The following NFIL3 variants were observed in gnomAD, a reference collection of about 807,000 sequenced individuals.
NFIL3 encodes nuclear factor, interleukin 3 regulated, also known as nuclear factor interleukin-3-regulated protein.
In NFIL3, 5 loss-of-function variants were observed where a neutral mutation model predicts 10.0. That is an observed-to-expected ratio of 0.50 (90% CI 0.26 to 1.06). The LOEUF is 1.06. Among genes scored for constraint, NFIL3 ranks in the 50% least tolerant of loss-of-function variants. The probability of loss-of-function intolerance (pLI) is 0.13; values close to 1 mark genes in which losing one functional copy is unlikely to be tolerated. For synonymous variants in NFIL3, 202 were observed against 206.5 expected (o/e 0.98, Z 0.19); for missense variants, 436 against 547.6 (o/e 0.80, Z 2.03).
the NFIL3 span, among the ~76,000 whole-genome samples, chr9:91,436,886 A>G: frequency 6.6e-4 from 101 of 151,986 alleles, no homozygotes; most frequent in Middle Eastern, 3.4e-3. Context: ...GCAGTCCCCA[A>G]CCTTTTTTGG....
chr9:91,430,871 C>G, the NFIL3 span, among the ~76,000 whole-genome samples: 1 of 152,200 alleles, frequency 6.6e-6, no homozygotes, highest in African/African-American at 2.4e-5. Context: ...GTCTCAAACT[C>G]CTGGCCTCAA....
chr9:91,421,084 A>G (rs1479071200), intron 1 of NFIL3, among the ~76,000 whole-genome samples: 1 of 152,164 alleles, frequency 6.6e-6, no homozygotes, highest in Non-Finnish European at 1.5e-5. Flanking sequence ...AATACAATGA[A>G]GACTCTTGGA....
the NFIL3 span, among the ~76,000 whole-genome samples, chr9:91,435,334 C>A: frequency 6.6e-6 from 1 of 152,174 alleles, no homozygotes; most frequent in Non-Finnish European, 1.5e-5. Flanking sequence ...ACCTTGCCTG[C>A]CTGCAGCAAT....
the NFIL3 span, among the ~76,000 whole-genome samples, chr9:91,482,656 C>T: frequency 6.6e-6 from 1 of 152,016 alleles, no homozygotes; most frequent in Non-Finnish European, 1.5e-5. Context: ...CCCCCACCAA[C>T]ACGCCCGACT....
the NFIL3 span, among the ~76,000 whole-genome samples, chr9:91,437,448 C>G: frequency 6.6e-6 from 1 of 152,106 alleles, no homozygotes; most frequent in Non-Finnish European, 1.5e-5. Context: ...AAAATGGTCA[C>G]TATAAAGAAG....
the NFIL3 span, among the ~76,000 whole-genome samples, chr9:91,437,288 C>T: frequency 2.6e-5 from 4 of 152,134 alleles, no homozygotes; most frequent in Non-Finnish European, 4.4e-5. Context: ...GTAAAGTGCA[C>T]GATTCAATGG....
the NFIL3 span, among the ~76,000 whole-genome samples, chr9:91,432,171 G>A: frequency 6.6e-6 from 1 of 152,172 alleles, no homozygotes; most frequent in Non-Finnish European, 1.5e-5. Flanking sequence ...TGTCAGGTTA[G>A]TTCTGAGCCA....
the NFIL3 span, among the ~76,000 whole-genome samples, chr9:91,482,919 G>C: frequency 6.6e-6 from 1 of 152,184 alleles, no homozygotes; most frequent in African/African-American, 2.4e-5. Context: ...CCCGAAAGGC[G>C]CACATGTCAG....
intron 1 of NFIL3, among the ~76,000 whole-genome samples, chr9:91,416,905 C>T (rs1274550500): frequency 6.6e-6 from 1 of 152,112 alleles, no homozygotes; most frequent in East Asian, 1.9e-4. Context: ...TAATTCTAGA[C>T]CAAATTTATC....
the NFIL3 span, among the ~76,000 whole-genome samples, chr9:91,460,271 C>CTTTTTTGTTTTTTTTTTTTTTTTTTTT: frequency 1.4e-5 from 1 of 70,444 alleles, no homozygotes; most frequent in Admixed American, 1.3e-4. Context: ...GGGCTTGGTT[C>CTTTTTTGTTTTTTTTTTTTTTTTTTTT]TTTTTTTTTT....
At chr9:91,479,995 C>T in the NFIL3 span, among the ~76,000 whole-genome samples, 1 of 152,112 alleles carries the variant, frequency 6.6e-6, no homozygotes, top group Non-Finnish European at 1.5e-5. Context: ...ACTGTCTAAC[C>T]AGTCCCAAAG....
the NFIL3 span, among the ~76,000 whole-genome samples, chr9:91,462,063 G>A: frequency 6.6e-6 from 1 of 152,112 alleles, no homozygotes; most frequent in African/African-American, 2.4e-5. Context: ...TTGCTGAGAA[G>A]GACCAGGTGT....
At chr9:91,470,438 G>C in the NFIL3 span, among the ~76,000 whole-genome samples, 1 of 106,050 alleles carries the variant, frequency 9.4e-6, no homozygotes. Context: ...TGCTAGTGGT[G>C]TATCAATTTT....
rs1833509404 is a variant in NFIL3 at position 91,409,939 on chromosome 9, G to A, written c.796C>T (p.Arg266Ter). Residue 266 changes from arginine to a stop codon, truncating the protein, a stop_gained, in exon 2 of 2, where the codon CGA (arginine) becomes TGA (stop). Transcript: ENST00000297689. LOFTEE classifies it high-confidence loss of function. Reference protein sequence around the residue: ...SHSPPLLQVNRSSSNSPRTSE... With the variant: ...SHSPPLLQVN Reference sequence around the variant, plus strand: ...GTTCTCGGGGAGTTGCTGGAGGATCGGTTGACTTGCAGTAGTGGGGGAGAG... The same window carrying A: ...GTTCTCGGGGAGTTGCTGGAGGATCAGTTGACTTGCAGTAGTGGGGGAGAG... 1 of 1,613,756 alleles carries A rather than the reference G, an allele frequency of 6.2e-7. No homozygotes were observed. The highest frequency in any genetic ancestry group is 8.5e-7 in the Non-Finnish European group (1 of 1,180,018).
the NFIL3 span, among the ~76,000 whole-genome samples, chr9:91,479,260 C>G: frequency 6.6e-6 from 1 of 152,194 alleles, no homozygotes. Flanking sequence ...CCCTTTCCCC[C>G]AGGTGCTCTG....
the NFIL3 span, among the ~76,000 whole-genome samples, chr9:91,443,824 C>CA: frequency 6.6e-6 from 1 of 152,218 alleles, no homozygotes; most frequent in Non-Finnish European, 1.5e-5. Flanking sequence ...TCCCCCACTG[C>CA]AGCTGGTCTC....
the NFIL3 span, among the ~76,000 whole-genome samples, chr9:91,472,523 C>T: frequency 3.3e-5 from 5 of 152,128 alleles, no homozygotes; most frequent in African/African-American, 7.2e-5. Context: ...GCATGTGTCA[C>T]GTAGTTCTCA....
At chr9:91,454,234 A>C in the NFIL3 span, among the ~76,000 whole-genome samples, 1 of 130,448 alleles carries the variant, frequency 7.7e-6, no homozygotes. Context: ...ACTCTGTCTC[A>C]AAAAAAAAAA....
chr9:91,432,159 A>G, the NFIL3 span, among the ~76,000 whole-genome samples: 1 of 152,184 alleles, frequency 6.6e-6, no homozygotes, highest in South Asian at 2.1e-4. Context: ...TAGTTGGCAC[A>G]CTGTCAGGTT....
Sources: allele counts gnomAD v4.1 joint callset (sites outside exome capture counted in the v4.1 genomes callset), GRCh38; gene constraint gnomAD v4.1.1; transcripts MANE v1.5; gene names NCBI Gene and HGNC (gene_info 2026-07-23, HGNC 2026-07-21).